Variants in CRPPA observed in about 807,000 individuals in gnomAD.
CRPPA encodes D-ribitol-5-phosphate cytidylyltransferase.
In CRPPA, 43 loss-of-function variants were observed where a neutral mutation model predicts 52.0. The ratio of observed to expected loss-of-function variants is 0.83; its 90% CI spans 0.65 to 1.07. The LOEUF (loss-of-function observed/expected upper bound fraction) is 1.07. Among genes scored for constraint, CRPPA ranks in the 50% least tolerant of loss-of-function variants. CRPPA has a pLI of 0.00. For missense variants in CRPPA, 629 were observed against 551.7 expected (o/e 1.14, Z -1.40); for synonymous variants, 250 against 203.5 (o/e 1.23, Z -1.94).
chr7:16,250,567 AT>A (rs1352778850), intron 8 of CRPPA, among the ~76,000 whole-genome samples: 3 of 152,196 alleles, frequency 2.0e-5, no homozygotes, highest in African/African-American at 7.2e-5. Context: ...GGGGGCCAAT[AT>A]TCAACATTCT....
At chr7:16,396,959 G>C (rs1451809788) in intron 2 of CRPPA, among the ~76,000 whole-genome samples, 2 of 152,244 alleles carry the variant, frequency 1.3e-5, no homozygotes, top group Non-Finnish European at 2.9e-5. Context: ...TGTGATGGAA[G>C]ACACGTGTGA....
At chr7:16,378,552 A>C (rs1215558853) in intron 2 of CRPPA, among the ~76,000 whole-genome samples, 6 of 152,134 alleles carry the variant, frequency 3.9e-5, no homozygotes, top group African/African-American at 1.4e-4. Flanking sequence ...GCTATTGTGA[A>C]TAGTGCCACA....
chr7:16,268,956 C>T (rs1457702386), intron 6 of CRPPA: 1 of 152,178 alleles, frequency 6.6e-6, no homozygotes, highest in African/African-American at 2.4e-5. Flanking sequence ...CTTTTGTGAA[C>T]ATAGTTTTTT....
chr7:16,271,760 G>A (rs954700037), intron 6 of CRPPA, among the ~76,000 whole-genome samples: 2 of 152,092 alleles, frequency 1.3e-5, no homozygotes, highest in African/African-American at 4.8e-5. Context: ...GCACAGTTAT[G>A]TTTTCCTTAG....
At chr7:16,312,636 A>G (rs1672838136) in intron 3 of CRPPA, among the ~76,000 whole-genome samples, 1 of 151,946 alleles carries the variant, frequency 6.6e-6, no homozygotes, top group Admixed American at 6.6e-5. Context: ...GAAAAAGAGC[A>G]CTGAGGAGGC....
chr7:16,263,357 T>A (rs1183320196), intron 6 of CRPPA, among the ~76,000 whole-genome samples: 1 of 149,964 alleles, frequency 6.7e-6, no homozygotes, highest in Non-Finnish European at 1.5e-5. Flanking sequence ...TTCATACCTA[T>A]GACAACTTCG....
chr7:16,121,825 A>G (rs1280461865), intron 9 of CRPPA, among the ~76,000 whole-genome samples: 2 of 152,114 alleles, frequency 1.3e-5, no homozygotes, highest in Admixed American at 6.6e-5. Context: ...AATTTAAACC[A>G]AAACATACAT....
rs895474080 is a variant in CRPPA at position 16,421,049 on chromosome 7, G to A, written c.257+17C>T. 25 of 1,263,478 alleles carry A rather than the reference G, an allele frequency of 2.0e-5. No homozygotes were observed. The Middle Eastern group carries it at 6.2e-4, about 31-fold the overall frequency. The allele number at this position is 1,263,478 out of a possible 1,614,324, so 78.3% of individuals were successfully genotyped here. ...CGGGCCCCAGGGAACCGCGGGGCGCGCCCGGCGCCGCATTACCTCTCCAGG... is the reference window on the plus strand; with the variant it reads ...CGGGCCCCAGGGAACCGCGGGGCGCACCCGGCGCCGCATTACCTCTCCAGG... On this transcript the variant is annotated intron_variant, in intron 1 of 9. Coordinates refer to ENST00000407010, the MANE Select transcript of CRPPA (RefSeq NM_001101426.4).
chr7:16,306,561 C>A (rs550235669), intron 4 of CRPPA, among the ~76,000 whole-genome samples: 1 of 152,294 alleles, frequency 6.6e-6, no homozygotes, highest in African/African-American at 2.4e-5. Context: ...GGGCTCAGAA[C>A]ATGCAAAAGA....
intron 3 of CRPPA, among the ~76,000 whole-genome samples, chr7:16,334,750 G>C (rs945172861): frequency 2.0e-5 from 3 of 152,070 alleles, no homozygotes; most frequent in Admixed American, 6.5e-5. Flanking sequence ...GGAAGCAACC[G>C]AGCCCAATTA....
At chr7:16,387,066 T>TATATATATATATATATATATACAC (rs879935874) in intron 2 of CRPPA, among the ~76,000 whole-genome samples, 33 of 109,036 alleles carry the variant, frequency 3.0e-4, no homozygotes, top group Non-Finnish European at 4.7e-4. Flanking sequence ...TATATATATA[T>TATATATATATATATATATATACAC]ATATATATAT....
At chr7:16,255,692 A>T (rs1296391312) in intron 8 of CRPPA, among the ~76,000 whole-genome samples, 3 of 152,230 alleles carry the variant, frequency 2.0e-5, no homozygotes, top group Admixed American at 1.3e-4. Context: ...AGCAACGAGG[A>T]AAGGATTCCC....
In CRPPA at chr7:16,193,553, T is replaced by C. The variant is rs182412604; in HGVS notation, c.1251+22513A>G. 4.1e-3 allele frequency among the ~76,000 whole-genome samples: 630 copies of C among 152,208 alleles called. 7 individuals carry two copies. Among genetic ancestry groups the C allele is most frequent in the African/African-American group, 0.015 (605 of 41,544 alleles). The stretch of plus-strand genomic sequence containing the variant: ...TCTCCTGTAGTTTAAAAAATATAAA[T>C]ATTGAGATAATAATTTCACCATATT... On this transcript the variant is annotated intron_variant, in intron 9 of 9. Transcript: ENST00000407010.
At chr7:16,231,883 C>T (rs1488010173) in intron 8 of CRPPA, among the ~76,000 whole-genome samples, 1 of 152,154 alleles carries the variant, frequency 6.6e-6, no homozygotes, top group Non-Finnish European at 1.5e-5. Flanking sequence ...ACAAAGTGAG[C>T]TGTACATGTA....
intron 8 of CRPPA, among the ~76,000 whole-genome samples, chr7:16,239,022 C>G (rs1783028613): frequency 6.6e-6 from 1 of 151,036 alleles, no homozygotes; most frequent in Admixed American, 6.6e-5. Flanking sequence ...GACTATAATC[C>G]TAGTTACTCA....
chr7:16,414,521 T>C (rs1270330650), intron 1 of CRPPA, among the ~76,000 whole-genome samples: 1 of 152,186 alleles, frequency 6.6e-6, no homozygotes, highest in Non-Finnish European at 1.5e-5. Context: ...GATACATCAA[T>C]TGATAAATTG....
chr7:16,216,174 T>A lies in CRPPA; in HGVS notation c.1143A>T (p.Leu381Phe). The change falls in exon 9 of 10, where the codon TTA becomes TTT. Residue 381 changes from leucine to phenylalanine, a missense_variant. Physicochemically the swap from Leu to Phe is conservative, Grantham distance 22. Coordinates refer to ENST00000407010, the MANE Select transcript of CRPPA (RefSeq NM_001101426.4). ...VVSVHFLDFK[L>F]VPPSQKMENL... ...TTTCCATTTTCTGACTGGGAGGTAC[T>A]AATTTAAAATCAAGAAAATGAACCT... is the stretch of plus-strand genomic sequence containing the variant. The A allele has an allele frequency of 6.3e-7, 1 of 1,579,144 alleles. No homozygotes were observed. The highest frequency in any genetic ancestry group is 8.6e-7 in the Non-Finnish European group (1 of 1,156,258).
chr7:16,363,114 G>A (rs998288616), intron 3 of CRPPA, among the ~76,000 whole-genome samples: 1 of 152,094 alleles, frequency 6.6e-6, no homozygotes, highest in Non-Finnish European at 1.5e-5. Context: ...ACCATCAAAA[G>A]GCTGCTCCTC....
At chr7:16,289,259 C>G (rs1319658935) in intron 5 of CRPPA, among the ~76,000 whole-genome samples, 1 of 152,064 alleles carries the variant, frequency 6.6e-6, no homozygotes, top group Non-Finnish European at 1.5e-5. Flanking sequence ...GATTCACTGT[C>G]GAGCTCTACC....
Sources: gnomAD v4.1 joint callset for allele counts (sites outside exome capture counted in the v4.1 genomes callset) on GRCh38, gnomAD v4.1.1 for gene constraint, MANE v1.5 for transcripts, NCBI Gene and HGNC (gene_info 2026-07-23, HGNC 2026-07-21) for gene names.